The following CDK7 variants were observed in gnomAD, a reference collection of about 807,000 sequenced individuals.
CDK7 encodes cyclin dependent kinase 7.
CDK7 carries 25 observed loss-of-function variants against 49.1 expected under a neutral mutation model. The ratio of observed to expected loss-of-function variants is 0.51; its 90% confidence interval spans 0.37 to 0.71. CDK7 has a LOEUF of 0.71. CDK7 is among the 30% of genes least tolerant of loss of function. The probability of loss-of-function intolerance (pLI) is 0.00; values close to 1 mark genes in which losing one functional copy is unlikely to be tolerated. For synonymous variants in CDK7, 107 were observed against 140.0 expected (o/e 0.76, Z 1.67); for missense variants, 316 against 411.7 (o/e 0.77, Z 2.01).
chr5:69,251,212 C>T (rs892025884), intron 2 of CDK7, among the ~76,000 whole-genome samples: 7 of 152,024 alleles, frequency 4.6e-5, no homozygotes, highest in Non-Finnish European at 8.8e-5. Context: ...ATTCTTCTGC[C>T]TCAGCCTCCC....
chr5:69,241,320 T>G (rs1358811979), intron 2 of CDK7, among the ~76,000 whole-genome samples: 4 of 133,154 alleles, frequency 3.0e-5, no homozygotes, highest in Non-Finnish European at 6.7e-5. Context: ...TTTTCTTTTT[T>G]TTTTTTTTTT....
intron 2 of CDK7, among the ~76,000 whole-genome samples, chr5:69,249,097 A>G (rs765396425): frequency 6.6e-6 from 1 of 151,482 alleles, no homozygotes; most frequent in East Asian, 1.9e-4. Context: ...TTAAGGCCCA[A>G]AACACTTAGA....
At chr5:69,242,562 A>C (rs945991685) in intron 2 of CDK7, among the ~76,000 whole-genome samples, 1 of 152,236 alleles carries the variant, frequency 6.6e-6, no homozygotes, top group Non-Finnish European at 1.5e-5. Context: ...TTTTGGCTAC[A>C]TAACTCCTAA....
At chr5:69,268,834 CA>C (rs56877264) in intron 8 of CDK7, among the ~76,000 whole-genome samples, 1,594 of 120,652 alleles carry the variant, frequency 0.013, 12 homozygotes, top group Non-Finnish European at 0.017. Flanking sequence ...GAGACTGTCT[CA>C]AAAAAAAAAA....
Position 69,235,095 on chromosome 5 carries a change from C to T in CDK7, c.66+54C>T, listed in dbSNP as rs115673494. 6.0e-3 allele frequency: 9,076 copies of T among 1,520,706 alleles called. 485 individuals are homozygous for T. In the African/African-American group the frequency reaches 0.11, roughly 19 times the overall value. The allele number at this position is 1,520,706 out of a possible 1,614,324, so 94.2% of individuals were successfully genotyped here. ...CCCCAAGCGGACAGCCCCGCGCCGC[C>T]TCCACCTTTGCGGGTTTTCCCGTGG... On this transcript the variant is annotated intron_variant, in intron 1 of 11. Transcript: ENST00000256443.
intron 2 of CDK7, among the ~76,000 whole-genome samples, chr5:69,240,894 T>C (rs911699404): frequency 1.3e-5 from 2 of 152,226 alleles, no homozygotes; most frequent in African/African-American, 4.8e-5. Flanking sequence ...CCCAAAGTGC[T>C]GGGATTACAG....
intron 6 of CDK7, 83 bp downstream of exon 6, chr5:69,258,236 GTT>G (rs1242726603): frequency 8.2e-6 from 5 of 609,326 alleles, no homozygotes; most frequent in African/African-American, 1.9e-5. Flanking sequence ...TATGTAAATT[GTT>G]TAACAATGAA....
At chr5:69,240,508 GAAGT>G (rs1749294202) in intron 2 of CDK7, among the ~76,000 whole-genome samples, 1 of 152,226 alleles carries the variant, frequency 6.6e-6, no homozygotes, top group Admixed American at 6.5e-5. Context: ...TTGGATGAAT[GAAGT>G]AAGTGTGGCA....
chr5:69,260,052 A>G, intron 7 of CDK7, 116 bp downstream of exon 7: 1 of 704,324 alleles, frequency 1.4e-6, no homozygotes, highest in Admixed American at 2.6e-5. Context: ...ACCGTCTTAA[A>G]AAATACTGCC....
chr5:69,255,544 C>G lies in CDK7; in HGVS notation c.297+16C>G, dbSNP rs199658849. The G allele has an allele frequency of 4.7e-6, 7 of 1,496,996 alleles. No individual in the cohort carries two copies. In the East Asian group the frequency reaches 1.6e-4, roughly 34 times the overall value. The allele number at this position is 1,496,996 out of a possible 1,614,324, so 92.7% of individuals were successfully genotyped here. ...TGATCTAGAGGTAAGATTAAGATTC[C>G]TGGAGAAATTCCTTTGTCCCAGTTT... is the stretch of plus-strand genomic sequence containing the variant. On this transcript the variant is annotated intron_variant, in intron 5 of 11. Transcript: ENST00000256443.
chr5:69,260,257 GGAGAATT>G (rs1314486963), intron 7 of CDK7, among the ~76,000 whole-genome samples: 2 of 152,106 alleles, frequency 1.3e-5, no homozygotes, highest in Admixed American at 6.6e-5. Context: ...GGCTGAGGCA[GGAGAATT>G]GCTTGAACCA....
intron 2 of CDK7, among the ~76,000 whole-genome samples, chr5:69,252,029 ATTACCAAC>A (rs145255361): frequency 0.037 from 5,641 of 152,296 alleles, 170 homozygotes; most frequent in South Asian, 0.14. Context: ...TATTGGGCTT[ATTACCAAC>A]TCTACAGCAT....
At chr5:69,248,711 C>T (rs1311665290) in intron 2 of CDK7, among the ~76,000 whole-genome samples, 1 of 150,250 alleles carries the variant, frequency 6.7e-6, no homozygotes, top group Non-Finnish European at 1.5e-5. Context: ...TATTCCTTGA[C>T]TTTTAGAGTT....
intron 2 of CDK7, among the ~76,000 whole-genome samples, chr5:69,246,708 GTT>G (rs746391556): frequency 2.1e-5 from 3 of 141,378 alleles, no homozygotes; most frequent in Admixed American, 7.0e-5. Context: ...TTTGTTTTTG[GTT>G]TTTTTTTTTC....
intron 2 of CDK7, among the ~76,000 whole-genome samples, chr5:69,239,469 C>G (rs924951401): frequency 4.6e-5 from 7 of 152,032 alleles, no homozygotes; most frequent in African/African-American, 1.7e-4. Flanking sequence ...CAAGGTTTCA[C>G]TTTGTTGTCC....
At chr5:69,236,542 T>C (rs1274207747) in intron 2 of CDK7, among the ~76,000 whole-genome samples, 1 of 109,414 alleles carries the variant, frequency 9.1e-6, no homozygotes, top group Non-Finnish European at 1.9e-5. Flanking sequence ...TAATTCCCCC[T>C]TTTTTTGGTC....
At chr5:69,239,266 C>T (rs1322229596) in intron 2 of CDK7, among the ~76,000 whole-genome samples, 3 of 152,140 alleles carry the variant, frequency 2.0e-5, no homozygotes, top group Non-Finnish European at 4.4e-5. Flanking sequence ...AAACGTTTGT[C>T]AATTACGTAG....
At chr5:69,250,219 GGTATTCCAA>G (rs1267862928) in intron 2 of CDK7, among the ~76,000 whole-genome samples, 1 of 152,176 alleles carries the variant, frequency 6.6e-6, no homozygotes, top group Non-Finnish European at 1.5e-5. Flanking sequence ...CTTATTGGAA[GGTATTCCAA>G]GTATTCAAAG....
chr5:69,266,533 A>G (rs1751169809), intron 8 of CDK7, among the ~76,000 whole-genome samples: 1 of 152,158 alleles, frequency 6.6e-6, no homozygotes, highest in Admixed American at 6.6e-5. Context: ...AGAGTAAACC[A>G]ACGGGAAGAC....
Sources: gnomAD v4.1 joint callset for allele counts (sites outside exome capture counted in the v4.1 genomes callset) on GRCh38, gnomAD v4.1.1 for gene constraint, MANE v1.5 for transcripts, NCBI Gene and HGNC (gene_info 2026-07-23, HGNC 2026-07-21) for gene names.